GOLGA4: variants seen among roughly 807,000 people sequenced by gnomAD.
GOLGA4 encodes golgin subfamily A member 4.
A neutral mutation model predicts 265.9 loss-of-function variants in GOLGA4; 169 were observed. The observed-to-expected ratio is 0.64, with a 90% CI of 0.56 to 0.72. The LOEUF is 0.72. Ranked by LOEUF, GOLGA4 falls within the 30% of genes least tolerant of loss-of-function variation. GOLGA4 has a pLI of 0.00. For missense variants in GOLGA4, 2,482 were observed against 2,483.4 expected, an observed-to-expected ratio of 1.00 and a Z score of 0.01; for synonymous variants, 923 against 855.8, an observed-to-expected ratio of 1.08 and a Z score of -1.37.
intron 22 of GOLGA4, among the ~76,000 whole-genome samples, chr3:37,356,349 C>G (rs2097091038): frequency 1.3e-5 from 2 of 152,156 alleles, no homozygotes; most frequent in South Asian, 2.1e-4. Context: ...CTCCTCTAAG[C>G]TCATCCTAGC....
chr3:37,321,386 G>C (rs867094775), intron 12 of GOLGA4, among the ~76,000 whole-genome samples: 1 of 152,318 alleles, frequency 6.6e-6, no homozygotes, highest in Middle Eastern at 3.4e-3. Context: ...TCTAGACTTA[G>C]AGTAGAAATA....
rs561499405 is a variant in GOLGA4 at position 37,270,953 on chromosome 3, CTGAGGGTGA to C, written c.163-11002_163-10994del. On this transcript the variant is annotated intron_variant, in intron 2 of 23. Transcript: ENST00000361924. ...TTTTCCTGCAACTAGATGGTCCCTTCTGAGGGTGATGGGAGACAGTGACAGATCATCAGG... is the reference window on the plus strand; with the variant it reads ...TTTTCCTGCAACTAGATGGTCCCTTCTGGGAGACAGTGACAGATCATCAGG... 1.6e-4 allele frequency among the ~76,000 whole-genome samples: 24 copies of C among 152,054 alleles called. No individual in the cohort carries two copies. The East Asian group carries it at 4.4e-3, about 28-fold the overall frequency.
At chr3:37,335,261 A>C in intron 17 of GOLGA4, 95 bp downstream of exon 17, 22 of 663,240 alleles carry the variant, frequency 3.3e-5, no homozygotes, top group Middle Eastern at 4.1e-4. Flanking sequence ...TATTTATCTC[A>C]TTTAATCCTA....
intron 1 of GOLGA4, among the ~76,000 whole-genome samples, chr3:37,251,188 T>C (rs541894485): frequency 6.6e-6 from 1 of 152,306 alleles, no homozygotes; most frequent in East Asian, 1.9e-4. Flanking sequence ...ATAGTTCTAG[T>C]TGGTGGCAGA....
rs968089717 is a variant in GOLGA4, at chr3:37,254,383, G to A, written c.162+2899G>A. On this transcript the variant is annotated intron_variant, in intron 2 of 23. Coordinates refer to ENST00000361924, the MANE Select transcript of GOLGA4 (RefSeq NM_002078.5). ...ATAGTGTATATGACATGAACTTTGA[G>A]TGCAAAAACTGTACTATGTACCTTT... 2.0e-5 allele frequency among the ~76,000 whole-genome samples: 3 copies of A among 152,040 alleles called. No individual in the cohort carries two copies. The East Asian group carries it at 5.8e-4, about 29-fold the overall frequency.
chr3:37,358,168 C>T (rs1337581058), intron 22 of GOLGA4, among the ~76,000 whole-genome samples: 1 of 152,108 alleles, frequency 6.6e-6, no homozygotes, highest in Non-Finnish European at 1.5e-5. Flanking sequence ...TTAGTTTTTA[C>T]ATTATTTATT....
intron 5 of GOLGA4, among the ~76,000 whole-genome samples, chr3:37,290,451 A>G (rs866411922): frequency 4.6e-5 from 7 of 152,244 alleles, no homozygotes; most frequent in South Asian, 4.1e-4. Flanking sequence ...TTTTTGTGGT[A>G]TGAAAGAAAG....
intron 1 of GOLGA4, chr3:37,244,307 T>C (rs1486282869): frequency 1.3e-5 from 2 of 152,290 alleles, no homozygotes; most frequent in Non-Finnish European, 2.9e-5. Context: ...ACACTCTGCC[T>C]GTCCGGAGCT....
chr3:37,341,996 A>C (rs1315499804), intron 20 of GOLGA4, among the ~76,000 whole-genome samples: 2 of 152,168 alleles, frequency 1.3e-5, no homozygotes, highest in African/African-American at 2.4e-5. Context: ...TTAAAAACCC[A>C]AGCATTGTGG....
chr3:37,249,988 C>CACTT (rs2150588858), intron 1 of GOLGA4: 1 of 152,330 alleles, frequency 6.6e-6, no homozygotes, highest in African/African-American at 2.4e-5. Context: ...TCACATCACT[C>CACTT]ACTTATGACT....
At chr3:37,249,790 C>G (rs1480018314) in intron 1 of GOLGA4, 1 of 152,176 alleles carries the variant, frequency 6.6e-6, no homozygotes, top group Non-Finnish European at 1.5e-5. Flanking sequence ...TACAGAATTT[C>G]CCTGAGGTCC....
At position 37,347,239 on chromosome 3, in the gene GOLGA4, C is replaced by G. The variant is rs750523005; in HGVS notation, c.6519C>G (p.Thr2173=). 6.2e-7 allele frequency: 1 copy of G among 1,612,516 alleles called. No homozygotes were observed. Among genetic ancestry groups the G allele is most frequent in the African/African-American group, 1.3e-5 (1 of 74,806 alleles). The stretch of plus-strand genomic sequence containing the variant: ...ATGTCTCACTCTTTGGAGAACCTAC[C>G]GAATTTGAGTATTTGCGAAAAGTGC... The part of the protein sequence containing the change: ...HTDVSLFGEP[T]EFEYLRKVLF... The change falls in exon 21 of 24, where the codon ACC becomes ACG. Residue 2173 remains threonine, a synonymous_variant. Coordinates refer to ENST00000361924, the MANE Select transcript of GOLGA4 (RefSeq NM_002078.5).
At chr3:37,330,863 A>G (rs1281091821) in intron 16 of GOLGA4, among the ~76,000 whole-genome samples, 2 of 152,028 alleles carry the variant, frequency 1.3e-5, no homozygotes, top group Non-Finnish European at 2.9e-5. Flanking sequence ...CTCCATCTCT[A>G]CTAAAAATAA....
At chr3:37,330,042 C>G (rs1384950702) in intron 16 of GOLGA4, among the ~76,000 whole-genome samples, 7 of 149,884 alleles carry the variant, frequency 4.7e-5, no homozygotes, top group African/African-American at 1.8e-4. Context: ...TTTTATAATT[C>G]TTGAGCTTTA....
intron 1 of GOLGA4, among the ~76,000 whole-genome samples, chr3:37,250,930 A>G (rs772706940): frequency 5.3e-5 from 8 of 152,090 alleles, no homozygotes; most frequent in African/African-American, 2.4e-5. Flanking sequence ...ATTTCATACT[A>G]TTGAATGTTA....
chr3:37,364,431 C>A (rs1314083656), intron 23 of GOLGA4, among the ~76,000 whole-genome samples: 1 of 151,336 alleles, frequency 6.6e-6, no homozygotes, highest in Non-Finnish European at 1.5e-5. Flanking sequence ...TAGTAGAGAC[C>A]GGGTTTCACC....
rs144791727 is a variant in GOLGA4 at position 37,318,721 on chromosome 3, G to A, written c.1414-342G>A. Among the ~76,000 whole-genome samples the A allele has an allele frequency of 9.6e-3, 1,461 of 152,220 alleles. 35 individuals are homozygous for A. The highest frequency in any genetic ancestry group is 0.033 in the African/African-American group (1,358 of 41,528). On this transcript the variant is annotated intron_variant, in intron 11 of 23. Coordinates refer to ENST00000361924, the MANE Select transcript of GOLGA4 (RefSeq NM_002078.5). ...ATAATTTGATTGGTGCAGCGAGGGC[G>A]CACCTTCACCAGTGTAGTGCCCTCT...
intron 20 of GOLGA4, among the ~76,000 whole-genome samples, chr3:37,345,044 G>C (rs1161306527): frequency 1.3e-5 from 2 of 151,890 alleles, no homozygotes; most frequent in Non-Finnish European, 2.9e-5. Flanking sequence ...GTGGGACCCT[G>C]TCTCTAGACA....
chr3:37,301,210 T>C (rs1318520426), intron 9 of GOLGA4, among the ~76,000 whole-genome samples: 1 of 152,242 alleles, frequency 6.6e-6, no homozygotes, highest in Non-Finnish European at 1.5e-5. Context: ...TTGTTAGTCC[T>C]AAATGACTTT....
Sources: allele counts gnomAD v4.1 joint callset (sites outside exome capture counted in the v4.1 genomes callset), GRCh38; gene constraint gnomAD v4.1.1; transcripts MANE v1.5; gene names NCBI Gene and HGNC (gene_info 2026-07-23, HGNC 2026-07-21).